Variants in ZNF277 observed in about 807,000 individuals in gnomAD.
ZNF277 encodes nuclear receptor-interacting factor 4.
In ZNF277, 55 loss-of-function variants were observed where a neutral mutation model predicts 60.7. That is an observed-to-expected ratio of 0.91 (90% confidence interval 0.73 to 1.13). ZNF277 has a LOEUF of 1.13. Ranked by LOEUF, ZNF277 falls within the 50% of genes most tolerant of loss-of-function variation. The pLI, the probability that ZNF277 is intolerant of heterozygous loss-of-function variation, is 0.00. For synonymous variants in ZNF277, 178 were observed against 179.3 expected, an observed-to-expected ratio of 0.99 and a Z score of 0.06; for missense variants, 510 against 523.0, an observed-to-expected ratio of 0.98 and a Z score of 0.24.
intron 4 of ZNF277, among the ~76,000 whole-genome samples, chr7:112,305,616 G>C (rs973772873): frequency 1.3e-5 from 2 of 149,910 alleles, no homozygotes; most frequent in Non-Finnish European, 2.9e-5. Context: ...AGTTTTTACT[G>C]AATAAATTTG....
At chr7:112,271,609 A>G (rs1000399719) in intron 1 of ZNF277, among the ~76,000 whole-genome samples, 1 of 152,258 alleles carries the variant, frequency 6.6e-6, no homozygotes, top group African/African-American at 2.4e-5. Context: ...TAACTTGAAG[A>G]AAAAGGATTT....
At chr7:112,208,235 C>T (rs938630522) in intron 1 of ZNF277, among the ~76,000 whole-genome samples, 6 of 151,980 alleles carry the variant, frequency 3.9e-5, no homozygotes, top group Non-Finnish European at 5.9e-5. Flanking sequence ...ATTAGCCGGG[C>T]GTGGTGGCGG....
intron 9 of ZNF277, among the ~76,000 whole-genome samples, chr7:112,339,422 G>A (rs575475366): frequency 8.5e-5 from 13 of 152,274 alleles, no homozygotes; most frequent in African/African-American, 2.4e-4. Context: ...AGGTTCAAGC[G>A]ATTCTCGTGC....
chr7:112,215,209 C>T (rs1269253584), intron 1 of ZNF277, among the ~76,000 whole-genome samples: 1 of 152,170 alleles, frequency 6.6e-6, no homozygotes, highest in Admixed American at 6.5e-5. Context: ...ACTATTATGG[C>T]TGCTGCTGCT....
At chr7:112,311,310 A>G (rs1308822421) in intron 4 of ZNF277, among the ~76,000 whole-genome samples, 1 of 152,148 alleles carries the variant, frequency 6.6e-6, no homozygotes, top group Non-Finnish European at 1.5e-5. Context: ...AAAAACATAT[A>G]TAGCTTATTA....
chr7:112,337,633 G>T, intron 8 of ZNF277, 97 bp from the exon 9 acceptor site: 1 of 988,328 alleles, frequency 1.0e-6, no homozygotes, highest in Non-Finnish European at 1.5e-6. Flanking sequence ...AGATTGGCAG[G>T]GTTTTTTAGT....
At chr7:112,320,062 C>T (rs1216004775) in intron 5 of ZNF277, among the ~76,000 whole-genome samples, 2 of 152,096 alleles carry the variant, frequency 1.3e-5, no homozygotes, top group Non-Finnish European at 2.9e-5. Context: ...TGGGAAGCTA[C>T]AAATGGTATT....
chr7:112,245,369 A>G (rs77633473), intron 1 of ZNF277, among the ~76,000 whole-genome samples: 1,949 of 152,252 alleles, frequency 0.013, 45 homozygotes, highest in African/African-American at 0.045. Flanking sequence ...CCATGGCTCT[A>G]TATTATTGTG....
chr7:112,295,871 A>G lies in ZNF277; in HGVS notation c.296A>G (p.Tyr99Cys). The G allele has an allele frequency of 6.2e-7, 1 of 1,610,250 alleles. No individual in the cohort carries two copies. The highest frequency in any genetic ancestry group is 1.1e-5 in the South Asian group (1 of 90,952). ...DVKLVADFQR[Y>C]ILYWRKRFTE... is the part of the protein sequence containing the mutation. ...TCCTTATTTTATGTTGTTCTAAGGTACATTTTATATTGGAGGAAAAGGTTC... is the reference window on the plus strand; with the variant it reads ...TCCTTATTTTATGTTGTTCTAAGGTGCATTTTATATTGGAGGAAAAGGTTC... The change falls in exon 3 of 12, where the codon TAC becomes TGC. Residue 99 changes from tyrosine to cysteine, a missense_variant and splice_region_variant. Coordinates refer to ENST00000361822, the MANE Select transcript of ZNF277 (RefSeq NM_021994.3).
intron 4 of ZNF277, among the ~76,000 whole-genome samples, chr7:112,298,801 A>C (rs1792409898): frequency 6.6e-6 from 1 of 152,132 alleles, no homozygotes; most frequent in Non-Finnish European, 1.5e-5. Context: ...GTGGCCTAGG[A>C]AGCTTAATTT....
intron 5 of ZNF277, among the ~76,000 whole-genome samples, chr7:112,319,399 A>G (rs746898347): frequency 1.3e-5 from 2 of 152,022 alleles, no homozygotes; most frequent in African/African-American, 2.4e-5. Flanking sequence ...ATTTATTATT[A>G]CGCATCAGCA....
chr7:112,270,856 ACATAAAG>A (rs1791652480), intron 1 of ZNF277, among the ~76,000 whole-genome samples: 1 of 152,114 alleles, frequency 6.6e-6, no homozygotes, highest in Non-Finnish European at 1.5e-5. Context: ...TTGTGCTTTC[ACATAAAG>A]CATATCTCTG....
chr7:112,242,573 AC>A (rs370034947), intron 1 of ZNF277, among the ~76,000 whole-genome samples: 1,275 of 67,764 alleles, frequency 0.019, 18 homozygotes, highest in East Asian at 0.11. Context: ...AAAAAAAAAA[AC>A]AAAATAAAAT....
At chr7:112,241,561 C>A (rs1303976134) in intron 1 of ZNF277, among the ~76,000 whole-genome samples, 4 of 152,134 alleles carry the variant, frequency 2.6e-5, no homozygotes, top group Non-Finnish European at 5.9e-5. Flanking sequence ...ATGTTTGTTG[C>A]AGCACTGTTG....
At chr7:112,332,318 A>G (rs894393365) in intron 7 of ZNF277, among the ~76,000 whole-genome samples, 1 of 152,182 alleles carries the variant, frequency 6.6e-6, no homozygotes, top group African/African-American at 2.4e-5. Context: ...CAATTTTGTG[A>G]CACAGGTATT....
intron 5 of ZNF277, among the ~76,000 whole-genome samples, chr7:112,319,120 T>A (rs1792916642): frequency 6.6e-6 from 1 of 152,028 alleles, no homozygotes; most frequent in South Asian, 2.1e-4. Flanking sequence ...AGTTTTGGTG[T>A]CCCAAGTTTT....
intron 1 of ZNF277, among the ~76,000 whole-genome samples, chr7:112,267,604 C>T (rs1368617900): frequency 6.6e-6 from 1 of 152,122 alleles, no homozygotes; most frequent in East Asian, 1.9e-4. Flanking sequence ...GCTTTTGCTG[C>T]CTTTTTTTCT....
chr7:112,302,949 C>CT (rs34593342), intron 4 of ZNF277, among the ~76,000 whole-genome samples: 6,011 of 132,804 alleles, frequency 0.045, 223 homozygotes, highest in African/African-American at 0.084. Flanking sequence ...GCAAATAGGC[C>CT]TTTTTTTTTT....
At chr7:112,281,002 A>T (rs1044699732) in intron 1 of ZNF277, among the ~76,000 whole-genome samples, 1 of 152,200 alleles carries the variant, frequency 6.6e-6, no homozygotes, top group Non-Finnish European at 1.5e-5. Context: ...CTGTCAGACA[A>T]ATCTTACTGA....
Sources: gnomAD v4.1 joint callset for allele counts (sites outside exome capture counted in the v4.1 genomes callset) on GRCh38, gnomAD v4.1.1 for gene constraint, MANE v1.5 for transcripts, NCBI Gene and HGNC (gene_info 2026-07-23, HGNC 2026-07-21) for gene names.